ARAP2: variants seen among roughly 807,000 people sequenced by gnomAD.
ARAP2 encodes the protein arf-GAP with Rho-GAP domain, ANK repeat and PH domain-containing protein 2.
ARAP2 carries 148 observed loss-of-function variants against 194.5 expected under a neutral mutation model. The ratio of observed to expected loss-of-function variants is 0.76; its 90% CI spans 0.67 to 0.87. The LOEUF is 0.87. Among genes scored for constraint, ARAP2 ranks in the 40% least tolerant of loss-of-function variants. The pLI, the probability that ARAP2 is intolerant of heterozygous loss-of-function variation, is 0.00. For missense variants in ARAP2, 2,128 were observed against 1,989.7 expected, an observed-to-expected ratio of 1.07 and a Z score of -1.32; for synonymous variants, 695 against 683.5, an observed-to-expected ratio of 1.02 and a Z score of -0.26.
intron 19 of ARAP2, among the ~76,000 whole-genome samples, chr4:36,135,588 T>A (rs1161596231): frequency 6.6e-6 from 1 of 151,836 alleles, no homozygotes; most frequent in East Asian, 1.9e-4. Flanking sequence ...ACACCTGACA[T>A]GCTACAGCCT....
chr4:36,033,828 A>G (rs61795346), intron 5 of ARAP2, among the ~76,000 whole-genome samples: 11,183 of 152,068 alleles, frequency 0.074, 562 homozygotes, highest in Middle Eastern at 0.19. Flanking sequence ...TTTTGTATAC[A>G]GTGTAAGGAA....
At chr4:36,037,577 T>C (rs749020859) in intron 5 of ARAP2, among the ~76,000 whole-genome samples, 23 of 152,130 alleles carry the variant, frequency 1.5e-4, no homozygotes, top group Non-Finnish European at 2.6e-4. Context: ...GATAGACAGA[T>C]TCATCCCCCA....
intron 19 of ARAP2, among the ~76,000 whole-genome samples, chr4:36,135,533 G>A (rs1455965125): frequency 6.6e-6 from 1 of 151,686 alleles, no homozygotes; most frequent in African/African-American, 2.4e-5. Flanking sequence ...CTGACCTCCA[G>A]GTGTTGTAAT....
rs1243863279 is a variant in ARAP2 at position 36,212,386 on chromosome 4, G to A, written c.1133+10C>T. ...TAAATAGTTAATCATCATCAATCAT[G>A]ATCTCATACCTTGATTTGATGATAA... On this transcript the variant is annotated intron_variant, in intron 5 of 32. Transcript: ENST00000303965. 9 of 1,593,574 alleles carry A rather than the reference G, an allele frequency of 5.6e-6. No homozygotes were observed. Among genetic ancestry groups the A allele is most frequent in the Non-Finnish European group, 7.7e-6 (9 of 1,162,578 alleles).
chr4:36,213,574 G>A lies in ARAP2; in HGVS notation c.965-255C>T, dbSNP rs185662449. ...CCTTAAATTGCAACCTGTCACACAT[G>A]TCCTTCCCAACCTCTAGGATCCACA... On this transcript the variant is annotated intron_variant, in intron 3 of 32. Transcript: ENST00000303965. Among the ~76,000 whole-genome samples the A allele has an allele frequency of 2.6e-5, 4 of 152,060 alleles. No homozygotes were observed. In the East Asian group the frequency reaches 7.7e-4, roughly 29 times the overall value.
chr4:36,193,500 T>C (rs1742410063), intron 7 of ARAP2, 78 bp downstream of exon 7: 3 of 965,296 alleles, frequency 3.1e-6, no homozygotes, highest in Non-Finnish European at 4.6e-6. Context: ...CTCCTATTCT[T>C]AAAAACCAAA....
At position 36,080,256 on chromosome 4, in the gene ARAP2, C is replaced by G. The variant is rs4833069; in HGVS notation, c.4568G>C (p.Arg1523Pro). 7 of 1,613,134 alleles carry G rather than the reference C, an allele frequency of 4.3e-6. No homozygotes were observed. In the Admixed American group the frequency reaches 1.2e-4, roughly 27 times the overall value. ...HHWHLCCDSS[R>P]TQTEWMTSIF... ...ACTGGTCATCCACTCCGTCTGAGTTCGTGAACTATCACAACACAGGTGCCT... is the reference window on the plus strand; with the variant it reads ...ACTGGTCATCCACTCCGTCTGAGTTGGTGAACTATCACAACACAGGTGCCT... Residue 1523 changes from arginine (R) to proline (P), a missense_variant, in exon 31 of 33, where the codon CGA becomes CCA. Coordinates refer to ENST00000303965, the MANE Select transcript of ARAP2 (RefSeq NM_015230.4).
chr4:36,059,915 A>G (rs73806433), intron 1 of ARAP2, among the ~76,000 whole-genome samples: 17,962 of 152,136 alleles, frequency 0.12, 1,863 homozygotes, highest in African/African-American at 0.26. Context: ...CAAAAGGCTG[A>G]ATAAAGAAGG....
chr4:36,090,693 A>G (rs542539175), intron 28 of ARAP2, among the ~76,000 whole-genome samples: 1 of 152,252 alleles, frequency 6.6e-6, no homozygotes, highest in South Asian at 2.1e-4. Flanking sequence ...CTTACTTACA[A>G]GTGGGAGCTA....
At chr4:36,169,788 T>C (rs1736186882) in intron 9 of ARAP2, among the ~76,000 whole-genome samples, 3 of 152,160 alleles carry the variant, frequency 2.0e-5, no homozygotes, top group Non-Finnish European at 4.4e-5. Context: ...TGCCTTGGCC[T>C]CCCAAAGTGC....
At chr4:36,134,363 C>T (rs1383492893) in intron 19 of ARAP2, among the ~76,000 whole-genome samples, 2 of 140,386 alleles carry the variant, frequency 1.4e-5, no homozygotes, top group African/African-American at 5.3e-5. Context: ...GTAGATCAGT[C>T]TCTTTACCCA....
At chr4:36,233,708 G>T (rs1751939637) in intron 1 of ARAP2, among the ~76,000 whole-genome samples, 1 of 152,234 alleles carries the variant, frequency 6.6e-6, no homozygotes, top group Admixed American at 6.5e-5. Context: ...AGGATTAAAT[G>T]AGATAATCCA....
chr4:36,198,775 T>C (rs1181284291), intron 6 of ARAP2, among the ~76,000 whole-genome samples: 1 of 152,150 alleles, frequency 6.6e-6, no homozygotes, highest in Admixed American at 6.5e-5. Flanking sequence ...TGAGCTTTCG[T>C]AGGTAGGGGG....
chr4:36,120,034 T>C (rs936879458), intron 23 of ARAP2, among the ~76,000 whole-genome samples: 4 of 151,554 alleles, frequency 2.6e-5, no homozygotes, highest in Admixed American at 1.3e-4. Flanking sequence ...ACAAAGCTCA[T>C]GTATCAAACT....
At chr4:36,064,635 T>C (rs553892351), downstream of ARAP2, among the ~76,000 whole-genome samples, 1 of 152,322 alleles carries the variant, frequency 6.6e-6, no homozygotes, top group East Asian at 1.9e-4. Context: ...CACAGGAATA[T>C]GTGCAACCTG....
intron 1 of ARAP2, among the ~76,000 whole-genome samples, chr4:36,243,027 A>T (rs1304530697): frequency 6.6e-6 from 1 of 151,928 alleles, no homozygotes; most frequent in African/African-American, 2.4e-5. Flanking sequence ...GTTGTTGGAC[A>T]AAAAATGTCA....
chr4:36,180,959 T>C (rs1739107612), intron 8 of ARAP2, among the ~76,000 whole-genome samples: 1 of 152,252 alleles, frequency 6.6e-6, no homozygotes, highest in African/African-American at 2.4e-5. Flanking sequence ...GTGTCAACTG[T>C]ATTTGGCCGT....
intron 28 of ARAP2, among the ~76,000 whole-genome samples, chr4:36,085,976 C>G (rs549290482): frequency 6.6e-6 from 1 of 152,010 alleles, no homozygotes; most frequent in African/African-American, 2.4e-5. Context: ...ACAATTTGAA[C>G]TGTCTAGTAT....
intron 27 of ARAP2, among the ~76,000 whole-genome samples, chr4:36,101,630 A>G (rs1024429177): frequency 5.3e-5 from 8 of 151,972 alleles, no homozygotes; most frequent in African/African-American, 1.9e-4. Flanking sequence ...GATCACTGAA[A>G]TCAGTGATTC....
Sources: allele counts gnomAD v4.1 joint callset (sites outside exome capture counted in the v4.1 genomes callset), GRCh38; gene constraint gnomAD v4.1.1; transcripts MANE v1.5; gene names NCBI Gene and HGNC (gene_info 2026-07-23, HGNC 2026-07-21).